Variants in KIF13A observed in about 807,000 individuals in gnomAD.
KIF13A encodes kinesin-like protein KIF13A.
In KIF13A, 79 loss-of-function variants were observed where a neutral mutation model predicts 212.2. The ratio of observed to expected loss-of-function variants is 0.37; its 90% confidence interval spans 0.31 to 0.45. The LOEUF is 0.45. Ranked by LOEUF, KIF13A falls within the 20% of genes least tolerant of loss-of-function variation. The pLI is 1.00. For missense variants in KIF13A, 1,901 were observed against 2,209.0 expected (o/e 0.86, Z 2.79); for synonymous variants, 789 against 808.6 (o/e 0.98, Z 0.41).
At position 17,856,256 on chromosome 6, in the gene KIF13A, T is replaced by C. The variant is rs1259211051; in HGVS notation, c.221-134A>G. 5 of 627,406 alleles carry C rather than the reference T, an allele frequency of 8.0e-6. No homozygotes were observed. Among genetic ancestry groups the C allele is most frequent in the African/African-American group, 5.5e-5 (3 of 54,168 alleles). The allele number at this position is 627,406 out of a possible 1,614,324, so 38.9% of individuals were successfully genotyped here. On this transcript the variant is annotated intron_variant, in intron 4 of 38. Coordinates refer to ENST00000259711, the MANE Select transcript of KIF13A (RefSeq NM_022113.6). The surrounding 1 kb of genome is among the most constrained non-coding windows in gnomAD (Gnocchi z 4.5). ...ACCGAGTGCCCACTAAGTACAGGGC[T>C]GTGTATTAAGAGCTTGATATATGCA...
intron 32 of KIF13A, 45 bp from the exon 33 acceptor site, chr6:17,779,144 G>A (rs1306079746): frequency 7.7e-6 from 12 of 1,561,270 alleles, no homozygotes; most frequent in Non-Finnish European, 8.8e-6. Context: ...TGTGAACAAC[G>A]TTTTCATCCA....
chr6:17,777,234 C>G lies in KIF13A; in HGVS notation c.4170+43G>C. The G allele has an allele frequency of 6.6e-7, 1 of 1,504,176 alleles. No homozygotes were observed. The highest frequency in any genetic ancestry group is 9.2e-7 in the Non-Finnish European group (1 of 1,090,232). The allele number at this position is 1,504,176 out of a possible 1,614,324, so 93.2% of individuals were successfully genotyped here. On this transcript the variant is annotated intron_variant, in intron 34 of 38. Coordinates refer to ENST00000259711, the MANE Select transcript of KIF13A (RefSeq NM_022113.6). This position sits in a 1 kb window ranked among gnomAD's most constrained non-coding sequence, Gnocchi z 4.4. ...CCACCTTCCCCCACCCCAGAGGCTG[C>G]GACATGTCACATAGGAGCAGATCCT... is the stretch of plus-strand genomic sequence containing the variant.
chr6:17,820,856 G>A (rs1238581635), intron 16 of KIF13A, among the ~76,000 whole-genome samples: 2 of 152,076 alleles, frequency 1.3e-5, no homozygotes, highest in African/African-American at 4.8e-5. Context: ...TAGTGGTGCT[G>A]GTAGCAGGGT....
chr6:17,965,337 T>C (rs906338162), intron 2 of KIF13A, among the ~76,000 whole-genome samples: 3 of 152,270 alleles, frequency 2.0e-5, no homozygotes, highest in Admixed American at 2.0e-4. Context: ...ATACAAACCA[T>C]CTAGAACTTT....
intron 20 of KIF13A, among the ~76,000 whole-genome samples, chr6:17,801,078 A>C (rs1453884783): frequency 6.6e-6 from 1 of 152,108 alleles, no homozygotes; most frequent in Non-Finnish European, 1.5e-5. Flanking sequence ...ATGTGAGTGA[A>C]TATGAAATGC....
intron 3 of KIF13A, among the ~76,000 whole-genome samples, chr6:17,893,270 A>G (rs1263168777): frequency 2.0e-5 from 3 of 152,208 alleles, no homozygotes; most frequent in Non-Finnish European, 4.4e-5. Context: ...CACAGCTGAC[A>G]CTTTCCTAGT....
intron 29 of KIF13A, among the ~76,000 whole-genome samples, chr6:17,782,633 TCAAAA>T (rs11271505): frequency 0.044 from 6,574 of 149,956 alleles, 487 homozygotes; most frequent in African/African-American, 0.15. Flanking sequence ...AGACTCTGTC[TCAAAA>T]CAAAACAAAA....
chr6:17,917,590 T>C (rs1774656276), intron 2 of KIF13A, among the ~76,000 whole-genome samples: 1 of 152,106 alleles, frequency 6.6e-6, no homozygotes, highest in African/African-American at 2.4e-5. Flanking sequence ...CTTACCACTA[T>C]TGAGGTGGAC....
intron 4 of KIF13A, among the ~76,000 whole-genome samples, chr6:17,863,715 A>AAAATATG (rs1769077110): frequency 6.6e-6 from 1 of 152,224 alleles, no homozygotes; most frequent in Non-Finnish European, 1.5e-5. Context: ...TCTGCAATAG[A>AAAATATG]AAATATGAAA....
intron 2 of KIF13A, among the ~76,000 whole-genome samples, chr6:17,962,490 T>C (rs1263469658): frequency 1.3e-5 from 2 of 151,744 alleles, no homozygotes; most frequent in Non-Finnish European, 2.9e-5. Context: ...AGGGAACAGA[T>C]GACACGGACC....
rs925745652 is a variant in KIF13A at position 17,968,947 on chromosome 6, A to G, written c.146+18107T>C. 3.3e-5 allele frequency among the ~76,000 whole-genome samples: 5 copies of G among 152,172 alleles called. No individual in the cohort carries two copies. Among genetic ancestry groups the G allele is most frequent in the Admixed American group, 3.3e-4 (5 of 15,272 alleles). Reference sequence around the variant, plus strand: ...TCTACCTAGGCACAGCTCTTATAATAAAAGTCTATATCCATATCTTTCATT... The same window carrying G: ...TCTACCTAGGCACAGCTCTTATAATGAAAGTCTATATCCATATCTTTCATT... On this transcript the variant is annotated intron_variant, in intron 2 of 38. Transcript: ENST00000259711. This position sits in a 1 kb window ranked among gnomAD's most constrained non-coding sequence, Gnocchi z 4.7.
Position 17,849,275 on chromosome 6 carries a change from G to C in KIF13A, c.830+102C>G. 1 of 758,046 alleles carries C rather than the reference G, an allele frequency of 1.3e-6. No individual in the cohort carries two copies. Among genetic ancestry groups the C allele is most frequent in the Non-Finnish European group, 2.2e-6 (1 of 459,620 alleles). The allele number at this position is 758,046 out of a possible 1,614,324, so 47.0% of individuals were successfully genotyped here. A position where few individuals can be genotyped will look rare whatever the true frequency, so the allele number is the denominator to read the frequency against. On this transcript the variant is annotated intron_variant, in intron 9 of 38. Coordinates refer to ENST00000259711, the MANE Select transcript of KIF13A (RefSeq NM_022113.6). The surrounding 1 kb of genome is among the most constrained non-coding windows in gnomAD (Gnocchi z 5.7). ...CAGCCCAGTTTACTAAAGCTATACA[G>C]ACTTTAAACAACCTGTACATCAGAA... is the stretch of plus-strand genomic sequence containing the variant.
intron 3 of KIF13A, among the ~76,000 whole-genome samples, chr6:17,873,893 TATG>T (rs1464932571): frequency 1.3e-5 from 2 of 152,306 alleles, no homozygotes; most frequent in African/African-American, 4.8e-5. Flanking sequence ...CGCCTGGCCC[TATG>T]ATATTTCTTT....
rs887399042 is a variant in KIF13A, at chr6:17,919,360, T to C, written c.147-21180A>G. 7.2e-5 allele frequency among the ~76,000 whole-genome samples: 11 copies of C among 152,164 alleles called. No individual in the cohort carries two copies. The highest frequency in any genetic ancestry group is 3.9e-4 in the Admixed American group (6 of 15,284). ...ACTTAATGCTGCTAAAATAAGACCA[T>C]TGAGAGAATTTCAAAAGTTATATTA... On this transcript the variant is annotated intron_variant, in intron 2 of 38. Transcript: ENST00000259711. The surrounding 1 kb of genome is among the most constrained non-coding windows in gnomAD (Gnocchi z 4.1).
At chr6:17,863,372 CT>C (rs35627842) in intron 4 of KIF13A, among the ~76,000 whole-genome samples, 540 of 139,378 alleles carry the variant, frequency 3.9e-3, no homozygotes, top group African/African-American at 4.7e-3. Context: ...AAAATACTTT[CT>C]TTTTTTTTTT....
intron 4 of KIF13A, among the ~76,000 whole-genome samples, chr6:17,863,823 T>G (rs953768036): frequency 6.6e-6 from 1 of 152,176 alleles, no homozygotes; most frequent in African/African-American, 2.4e-5. Flanking sequence ...TTTGCTTTGT[T>G]CACTTCTATT....
chr6:17,803,947 T>C (rs1049039432), intron 20 of KIF13A, among the ~76,000 whole-genome samples: 1 of 152,116 alleles, frequency 6.6e-6, no homozygotes, highest in African/African-American at 2.4e-5. Context: ...GGTCAGGAGA[T>C]CAAGACCATC....
chr6:17,856,508 TACACACCTTG>T lies in KIF13A; in HGVS notation c.221-396_221-387del, dbSNP rs1467438554. ...ACTGCCACTGAACAAGACCATGTTA[TACACACCTTG>T]GTATCTCCCTCAGCACCTAGCTTGG... On this transcript the variant is annotated intron_variant, in intron 4 of 38. Coordinates refer to ENST00000259711, the MANE Select transcript of KIF13A (RefSeq NM_022113.6). The surrounding 1 kb of genome is among the most constrained non-coding windows in gnomAD (Gnocchi z 4.5). Among the ~76,000 whole-genome samples, 1 of 152,242 alleles carries T rather than the reference TACACACCTTG, an allele frequency of 6.6e-6. No homozygotes were observed. The highest frequency in any genetic ancestry group is 1.5e-5 in the Non-Finnish European group (1 of 68,046).
rs1243059634 is a variant in KIF13A, at chr6:17,843,938, G to T, written c.830+5439C>A. 6.6e-6 allele frequency among the ~76,000 whole-genome samples: 1 copy of T among 151,894 alleles called. No individual in the cohort carries two copies. Among genetic ancestry groups the T allele is most frequent in the African/African-American group, 2.4e-5 (1 of 41,338 alleles). ...CGCACGCCTATAATCCCAGCTACTC[G>T]GGAGGCTGAGGCAGGAGAATCACTT... On this transcript the variant is annotated intron_variant, in intron 9 of 38. Coordinates refer to ENST00000259711, the MANE Select transcript of KIF13A (RefSeq NM_022113.6). The surrounding 1 kb of genome is among the most constrained non-coding windows in gnomAD (Gnocchi z 5.3).
Sources: gnomAD v4.1 joint callset for allele counts (sites outside exome capture counted in the v4.1 genomes callset) on GRCh38, gnomAD v4.1.1 for gene constraint, Gnocchi (gnomAD v3.1) non-coding constraint, MANE v1.5 for transcripts, NCBI Gene and HGNC (gene_info 2026-07-23, HGNC 2026-07-21) for gene names.